UGT1A5: variants seen among roughly 807,000 people sequenced by gnomAD.
UGT1A5 encodes UDP glucuronosyltransferase family 1 member A5.
A neutral mutation model predicts 40.3 loss-of-function variants in UGT1A5; 29 were observed. The observed-to-expected ratio is 0.72, with a 90% CI of 0.54 to 0.98. The LOEUF is 0.98. UGT1A5 is among the 50% of genes least tolerant of loss of function. The pLI is 0.00. For synonymous variants in UGT1A5, 257 were observed against 262.5 expected (o/e 0.98, Z 0.20); for missense variants, 678 against 677.9 (o/e 1.00, Z 0.00).
chr2:233,718,919 G>A, intron 1 of UGT1A5: 1 of 1,614,102 alleles, frequency 6.2e-7, no homozygotes. Context: ...AGGTGTTGGT[G>A]GTGCCCACTG....
chr2:233,766,395 C>T (rs1305688036), intron 1 of UGT1A5, among the ~76,000 whole-genome samples: 1 of 152,176 alleles, frequency 6.6e-6, no homozygotes, highest in African/African-American at 2.4e-5. Flanking sequence ...GCTGTCCTTG[C>T]GTCCCTCCGC....
intron 1 of UGT1A5, chr2:233,729,803 C>G (rs771141060): frequency 8.1e-6 from 13 of 1,613,810 alleles, no homozygotes; most frequent in Admixed American, 3.3e-5. Context: ...ATTTGCCATG[C>G]TTTTTCTGCT....
chr2:233,769,915 T>C lies in UGT1A5; in HGVS notation c.1307+1476T>C, dbSNP rs906114329. 1 of 293,246 alleles carries C rather than the reference T, an allele frequency of 3.4e-6. No individual in the cohort carries two copies. The allele number at this position is 293,246 out of a possible 1,614,324, so 18.2% of individuals were successfully genotyped here. Reference sequence around the variant, plus strand: ...ACCTGAGCATCATGTGCCCAGAGCGTTGGGTGGTGTGGTCCCATTCCTTCC... The same window carrying C: ...ACCTGAGCATCATGTGCCCAGAGCGCTGGGTGGTGTGGTCCCATTCCTTCC... On this transcript the variant is annotated intron_variant, in intron 4 of 4. Transcript: ENST00000373414. The surrounding 1 kb of genome is among the most constrained non-coding windows in gnomAD (Gnocchi z 4.4).
chr2:233,719,188 C>T (rs771753301), intron 1 of UGT1A5: 23 of 1,614,004 alleles, frequency 1.4e-5, no homozygotes, highest in Admixed American at 1.0e-4. Flanking sequence ...GTATCTTTGG[C>T]CCTTCATAGG....
intron 1 of UGT1A5, chr2:233,747,354 G>A (rs753872482): frequency 3.1e-5 from 49 of 1,602,390 alleles, no homozygotes; most frequent in African/African-American, 2.7e-4. Flanking sequence ...GCGGGAGGCC[G>A]TGCGGGAGCT....
chr2:233,755,054 C>T (rs748506326), intron 1 of UGT1A5: 2 of 1,332,588 alleles, frequency 1.5e-6, no homozygotes, highest in Admixed American at 3.8e-5. Context: ...CGCCCTCCGC[C>T]CTCGCCTCGC....
intron 1 of UGT1A5, chr2:233,740,831 T>A (rs1418284400): frequency 1.3e-5 from 2 of 151,936 alleles, no homozygotes; most frequent in East Asian, 3.8e-4. Flanking sequence ...GCTGAGACAT[T>A]TTAAAAGGAG....
At position 233,747,671 on chromosome 2, in the gene UGT1A5, A is replaced by C. The variant is rs1693745926; in HGVS notation, c.868-19363A>C. On this transcript the variant is annotated intron_variant, in intron 1 of 4. Coordinates refer to ENST00000373414, the MANE Select transcript of UGT1A5 (RefSeq NM_019078.2). ...CCTTCGATGTGGTTTTAATAGACCCAATTTACCTCTGTGGGGCAGTGCTGG... is the reference window on the plus strand; with the variant it reads ...CCTTCGATGTGGTTTTAATAGACCCCATTTACCTCTGTGGGGCAGTGCTGG... 13 of 1,604,740 alleles carry C rather than the reference A, an allele frequency of 8.1e-6. No homozygotes were observed. In the South Asian group the frequency reaches 1.4e-4, roughly 18 times the overall value.
chr2:233,734,133 G>T lies in UGT1A5; in HGVS notation c.867+20275G>T, dbSNP rs9711095. Among the ~76,000 whole-genome samples the T allele has an allele frequency of 6.7e-3, 1,025 of 152,076 alleles. 39 individuals carry two copies. Among genetic ancestry groups the T allele is most frequent in the Admixed American group, 0.052 (802 of 15,280 alleles). ...ATAATAATAATAATAAAAAGAATTTGGCTGTGAATCCATCTGGTCCTGGAC... is the reference window on the plus strand; with the variant it reads ...ATAATAATAATAATAAAAAGAATTTTGCTGTGAATCCATCTGGTCCTGGAC... On this transcript the variant is annotated intron_variant, in intron 1 of 4. Transcript: ENST00000373414.
rs1228021328 is a variant in UGT1A5, at chr2:233,772,590, A to G, written c.*31A>G. The G allele has an allele frequency of 2.5e-6, 4 of 1,602,300 alleles. No homozygotes were observed. Among genetic ancestry groups the G allele is most frequent in the Non-Finnish European group, 2.6e-6 (3 of 1,173,678 alleles). ...GGGTGGGAAATAAGGTAAAATTTTG[A>G]ACCATTCCCTAGTCATTTCCAAACT... is the stretch of plus-strand genomic sequence containing the variant. On this transcript the variant is annotated 3_prime_UTR_variant, in exon 5 of 5. Transcript: ENST00000373414.
intron 1 of UGT1A5, among the ~76,000 whole-genome samples, chr2:233,727,254 C>A (rs2077597251): frequency 6.6e-6 from 1 of 152,146 alleles, no homozygotes; most frequent in Admixed American, 6.5e-5. Flanking sequence ...CTGTGCAGCC[C>A]AGACCCCTCC....
intron 1 of UGT1A5, chr2:233,729,673 A>C: frequency 3.1e-6 from 5 of 1,613,898 alleles, no homozygotes; most frequent in Non-Finnish European, 4.2e-6. Context: ...TTTAGACTTT[A>C]AGGGCACACA....
chr2:233,729,876 T>A, intron 1 of UGT1A5: 1 of 1,597,258 alleles, frequency 6.3e-7, no homozygotes, highest in South Asian at 1.1e-5. Context: ...ATATTCTCAG[T>A]CATGCATCTG....
At position 233,729,155 on chromosome 2, in the gene UGT1A5, C is replaced by T. The variant is rs754518469; in HGVS notation, c.867+15297C>T. The T allele has an allele frequency of 1.4e-5, 23 of 1,613,596 alleles. No homozygotes were observed. The highest frequency in any genetic ancestry group is 5.0e-5 in the Admixed American group (3 of 60,022). On this transcript the variant is annotated intron_variant, in intron 1 of 4. Coordinates refer to ENST00000373414, the MANE Select transcript of UGT1A5 (RefSeq NM_019078.2). ...GCCACAGGACTCCAGGTTCCCCTGC[C>T]GTGGCTGGCCACAGGACTGCTGCTT...
rs958541757 is a variant in UGT1A5 at position 233,749,447 on chromosome 2, G to A, written c.868-17587G>A. Among the ~76,000 whole-genome samples, 14 of 151,852 alleles carry A rather than the reference G, an allele frequency of 9.2e-5. 1 individual carries two copies. Among genetic ancestry groups the A allele is most frequent in the African/African-American group, 3.4e-4 (14 of 41,136 alleles). ...AAAACTTCACTGTCATCTCAGTGGAGCAGAACGAATTGGGAACTGTGGCAC... is the reference window on the plus strand; with the variant it reads ...AAAACTTCACTGTCATCTCAGTGGAACAGAACGAATTGGGAACTGTGGCAC... On this transcript the variant is annotated intron_variant, in intron 1 of 4. Transcript: ENST00000373414.
intron 1 of UGT1A5, among the ~76,000 whole-genome samples, chr2:233,726,490 A>G (rs1018166677): frequency 6.6e-6 from 1 of 151,932 alleles, no homozygotes; most frequent in Non-Finnish European, 1.5e-5. Flanking sequence ...CTTTTTCCTT[A>G]TTAATTTTGG....
Position 233,713,763 on chromosome 2 carries a change from C to G in UGT1A5, c.772C>G (p.Arg258Gly), listed in dbSNP as rs145951104. 4 of 1,613,766 alleles carry G rather than the reference C, an allele frequency of 2.5e-6. No individual in the cohort carries two copies. In the African/African-American group the frequency reaches 4.0e-5, roughly 16 times the overall value. The change falls in exon 1 of 5, where the codon CGA becomes GGA. Residue 258 changes from arginine (R) to glycine (G), a missense_variant. Transcript: ENST00000373414. ...LVSHASVWLF[R>G]GDFVMDYPRP... Reference sequence around the variant, plus strand: ...CAGCCATGCATCTGTGTGGCTGTTCCGAGGGGACTTTGTGATGGATTACCC... The same window carrying G: ...CAGCCATGCATCTGTGTGGCTGTTCGGAGGGGACTTTGTGATGGATTACCC...
At chr2:233,719,278 C>T (rs769049134) in intron 1 of UGT1A5, 1 of 1,614,106 alleles carries the variant, frequency 6.2e-7, no homozygotes, top group South Asian at 1.1e-5. Context: ...TTAACAGACC[C>T]CGTTAACCTC....
Position 233,772,514 on chromosome 2 carries a change from GA to G in UGT1A5, c.1566del (p.Arg524GlufsTer22). ...CAYGYRKCLG[K>X]KGRVKKAHKS... ...CTTATGGCTACCGGAAATGCTTGGGGAAAAAAGGGCGAGTTAAGAAAGCCCA... is the reference window on the plus strand; with the variant it reads ...CTTATGGCTACCGGAAATGCTTGGGGAAAAAGGGCGAGTTAAGAAAGCCCA... On this transcript the variant is annotated frameshift_variant, in exon 5 of 5. Coordinates refer to ENST00000373414, the MANE Select transcript of UGT1A5 (RefSeq NM_019078.2). LOFTEE classifies it high-confidence loss of function. 6.2e-7 allele frequency: 1 copy of G among 1,614,126 alleles called. No individual in the cohort carries two copies. Among genetic ancestry groups the G allele is most frequent in the Non-Finnish European group, 8.5e-7 (1 of 1,180,014 alleles).
Sources: gnomAD v4.1 joint callset for allele counts (sites outside exome capture counted in the v4.1 genomes callset) on GRCh38, gnomAD v4.1.1 for gene constraint, Gnocchi (gnomAD v3.1) non-coding constraint, MANE v1.5 for transcripts, NCBI Gene and HGNC (gene_info 2026-07-23, HGNC 2026-07-21) for gene names.